PPP1R12A: variants seen among roughly 807,000 people sequenced by gnomAD.
PPP1R12A encodes the protein protein phosphatase 1 regulatory subunit 12A.
PPP1R12A carries 19 observed loss-of-function variants against 139.6 expected under a neutral mutation model. The observed-to-expected ratio is 0.14, with a 90% CI of 0.09 to 0.20. The LOEUF is 0.20. Ranked by LOEUF, PPP1R12A falls within the 10% of genes least tolerant of loss-of-function variation. PPP1R12A has a pLI of 1.00. For missense variants in PPP1R12A, 925 were observed against 1,211.5 expected (o/e 0.76, Z 3.51); for synonymous variants, 427 against 420.6 (o/e 1.02, Z -0.19).
intron 2 of PPP1R12A, among the ~76,000 whole-genome samples, chr12:79,851,942 G>A (rs1031074902): frequency 6.6e-6 from 1 of 151,958 alleles, no homozygotes; most frequent in Non-Finnish European, 1.5e-5. Flanking sequence ...TTTAGTTACT[G>A]CATTTTTCAG....
At chr12:79,912,323 GTT>G (rs1886637975) in intron 1 of PPP1R12A, among the ~76,000 whole-genome samples, 2 of 152,160 alleles carry the variant, frequency 1.3e-5, no homozygotes, top group Non-Finnish European at 1.5e-5. Context: ...AGAGGGTCTT[GTT>G]TTGCTAATCT....
At chr12:79,819,616 T>A (rs1325935302) in intron 8 of PPP1R12A, among the ~76,000 whole-genome samples, 1 of 152,162 alleles carries the variant, frequency 6.6e-6, no homozygotes, top group Non-Finnish European at 1.5e-5. Context: ...AAGTAATGTC[T>A]CCCAGGGAGG....
intron 2 of PPP1R12A, among the ~76,000 whole-genome samples, chr12:79,859,363 A>T (rs1158363023): frequency 3.3e-5 from 5 of 150,748 alleles, no homozygotes; most frequent in African/African-American, 1.2e-4. Flanking sequence ...AGAAAAAAAA[A>T]AAAAAACAAC....
intron 2 of PPP1R12A, among the ~76,000 whole-genome samples, chr12:79,855,066 G>A (rs1019816366): frequency 6.6e-6 from 1 of 152,060 alleles, no homozygotes; most frequent in Non-Finnish European, 1.5e-5. Flanking sequence ...TCCGCTCACT[G>A]TAAGCTCCGC....
At chr12:79,839,316 C>T (rs192134498) in intron 3 of PPP1R12A, among the ~76,000 whole-genome samples, 2 of 152,302 alleles carry the variant, frequency 1.3e-5, no homozygotes, top group Admixed American at 1.3e-4. Context: ...TACAGGCTCA[C>T]AGGCAGAAGG....
chr12:79,803,196 C>T (rs1175791284), intron 14 of PPP1R12A, among the ~76,000 whole-genome samples: 2 of 152,200 alleles, frequency 1.3e-5, no homozygotes, highest in Non-Finnish European at 2.9e-5. Context: ...GTAATATAAA[C>T]ACATTTCCTT....
At chr12:79,778,351 G>T (rs1418260884) in intron 24 of PPP1R12A, 199 bp downstream of exon 24, 8 of 365,364 alleles carry the variant, frequency 2.2e-5, no homozygotes, top group African/African-American at 1.7e-4. Flanking sequence ...CTTTTCATAG[G>T]TGTTAAGATT....
At chr12:79,798,071 G>A (rs1174814125) in intron 15 of PPP1R12A, among the ~76,000 whole-genome samples, 1 of 152,014 alleles carries the variant, frequency 6.6e-6, no homozygotes, top group Non-Finnish European at 1.5e-5. Context: ...CCTAATATAC[G>A]AGCCTATTCT....
intron 1 of PPP1R12A, among the ~76,000 whole-genome samples, chr12:79,891,254 A>G (rs1034445310): frequency 2.6e-5 from 4 of 152,162 alleles, no homozygotes; most frequent in Non-Finnish European, 5.9e-5. Context: ...TTATATGGTT[A>G]TCTTAACTAA....
intron 3 of PPP1R12A, among the ~76,000 whole-genome samples, chr12:79,839,459 C>G (rs149464528): frequency 1.5e-4 from 23 of 152,126 alleles, no homozygotes; most frequent in Non-Finnish European, 2.9e-4. Flanking sequence ...TTGGAAGGGG[C>G]CAGGAGTGGG....
chr12:79,812,421 T>TGTGTGTAA (rs71091687), intron 9 of PPP1R12A, among the ~76,000 whole-genome samples: 1 of 150,118 alleles, frequency 6.7e-6, no homozygotes, highest in Non-Finnish European at 1.5e-5. Context: ...TGTGTGTGTG[T>TGTGTGTAA]AACGTTCCTT....
At chr12:79,926,855 A>AT (rs1887884148) in intron 1 of PPP1R12A, among the ~76,000 whole-genome samples, 1 of 152,150 alleles carries the variant, frequency 6.6e-6, no homozygotes, top group Admixed American at 6.5e-5. Context: ...AAAGAATCAA[A>AT]TATGTACATG....
intron 3 of PPP1R12A, among the ~76,000 whole-genome samples, chr12:79,842,757 GCA>G (rs1484486579): frequency 6.6e-6 from 1 of 151,904 alleles, no homozygotes; most frequent in African/African-American, 2.4e-5. Context: ...CCAGGCTGGA[GCA>G]CAGTGATGTG....
chr12:79,802,612 A>C (rs1382368156), intron 14 of PPP1R12A, among the ~76,000 whole-genome samples: 11 of 152,066 alleles, frequency 7.2e-5, no homozygotes, highest in Admixed American at 7.2e-4. Context: ...GCAAGACTCC[A>C]TCTCTACAAA....
rs764281068 is a variant in PPP1R12A at position 79,790,482 on chromosome 12, G to A, written c.2651C>T (p.Thr884Met). The A allele has an allele frequency of 2.5e-5, 34 of 1,376,298 alleles. No individual in the cohort carries two copies. Among genetic ancestry groups the A allele is most frequent in the African/African-American group, 4.4e-5 (3 of 67,824 alleles). 85.3% of individuals were successfully genotyped at this position (1,376,298 alleles called of 1,614,324 possible). ...EEGSNKKETQ[T>M]DSISRYETSS... ...TAAAACATACCTAGAAATGGAATCC[G>A]TCTGGAAAGAAAGAGAAAAACATAG... is the stretch of plus-strand genomic sequence containing the variant. The change falls in exon 20 of 25, where the codon ACG (threonine) becomes ATG (methionine). Residue 884 changes from threonine to methionine, a missense_variant and splice_region_variant. Transcript: ENST00000450142.
chr12:79,864,873 G>A (rs754508071), intron 2 of PPP1R12A, among the ~76,000 whole-genome samples: 31 of 152,086 alleles, frequency 2.0e-4, no homozygotes, highest in Non-Finnish European at 3.4e-4. Flanking sequence ...ATTCACAGCC[G>A]AATTCTACCA....
chr12:79,776,004 G>A lies in PPP1R12A; in HGVS notation c.3018C>T (p.Asp1006=), dbSNP rs370284174. Reference sequence around the variant, plus strand: ...TTAGCCTCTGGTTGTCTGCTTTTAGGTCTGGTAACATCTATAAAGAGAAAA... The same window carrying A: ...TTAGCCTCTGGTTGTCTGCTTTTAGATCTGGTAACATCTATAAAGAGAAAA... ...EMEEELKMLP[D]LKADNQRLKD... Residue 1006 remains aspartate (D), a synonymous_variant, in exon 25 of 25, where the codon GAC becomes GAT. Coordinates refer to ENST00000450142, the MANE Select transcript of PPP1R12A (RefSeq NM_002480.3). 1.6e-5 allele frequency: 25 copies of A among 1,593,202 alleles called. No homozygotes were observed. Among genetic ancestry groups the A allele is most frequent in the African/African-American group, 4.0e-5 (3 of 74,238 alleles).
At chr12:79,887,305 TC>T (rs1264832577) in intron 1 of PPP1R12A, among the ~76,000 whole-genome samples, 3 of 149,218 alleles carry the variant, frequency 2.0e-5, no homozygotes, top group Non-Finnish European at 2.9e-5. Flanking sequence ...GTATTTCCAC[TC>T]TTCTCCTGGC....
chr12:79,797,138 G>T, intron 16 of PPP1R12A, 57 bp downstream of exon 16: 1 of 1,419,294 alleles, frequency 7.0e-7, no homozygotes, highest in Non-Finnish European at 9.5e-7. Flanking sequence ...TGTATGTTAA[G>T]GATCATAAGG....
Sources: gnomAD v4.1 joint callset for allele counts (sites outside exome capture counted in the v4.1 genomes callset) on GRCh38, gnomAD v4.1.1 for gene constraint, MANE v1.5 for transcripts, NCBI Gene and HGNC (gene_info 2026-07-23, HGNC 2026-07-21) for gene names.